KSR2: variants seen among roughly 807,000 people sequenced by gnomAD.
KSR2 encodes kinase suppressor of ras 2.
In KSR2, 25 loss-of-function variants were observed where a neutral mutation model predicts 107.8. The ratio of observed to expected loss-of-function variants is 0.23; its 90% CI spans 0.17 to 0.32. The LOEUF is 0.32. Ranked by LOEUF, KSR2 falls within the 10% of genes least tolerant of loss-of-function variation. The pLI is 1.00. For missense variants in KSR2, 887 were observed against 1,268.9 expected, an observed-to-expected ratio of 0.70 and a Z score of 4.57; for synonymous variants, 480 against 507.0, an observed-to-expected ratio of 0.95 and a Z score of 0.71.
chr12:117,708,959 T>C (rs1173238560), intron 4 of KSR2, among the ~76,000 whole-genome samples: 2 of 152,120 alleles, frequency 1.3e-5, no homozygotes, highest in Admixed American at 1.3e-4. Flanking sequence ...TCATGGCCCC[T>C]TCCTCCAACT....
chr12:117,739,114 T>G lies in KSR2; in HGVS notation c.986+21897A>C, dbSNP rs1375874903. ...CTCACGCCTGTAATCCCAGCACTTT[T>G]GGAGGCCAAGGTGGGCAGATCACGA... On this transcript the variant is annotated intron_variant, in intron 4 of 19. Transcript: ENST00000339824. 4.6e-5 allele frequency among the ~76,000 whole-genome samples: 7 copies of G among 152,266 alleles called. No individual in the cohort carries two copies. The East Asian group carries it at 9.7e-4, about 21-fold the overall frequency.
intron 4 of KSR2, among the ~76,000 whole-genome samples, chr12:117,739,293 T>C (rs577002979): frequency 6.6e-6 from 1 of 152,154 alleles, no homozygotes; most frequent in East Asian, 1.9e-4. Context: ...AGGAGGAGCT[T>C]GCAGTGAGCC....
At chr12:117,838,790 T>A (rs1892347016) in intron 3 of KSR2, among the ~76,000 whole-genome samples, 1 of 152,322 alleles carries the variant, frequency 6.6e-6, no homozygotes, top group African/African-American at 2.4e-5. Flanking sequence ...GACTTAGACA[T>A]GTATGTATTT....
At chr12:117,510,953 G>A (rs529224649) in intron 14 of KSR2, among the ~76,000 whole-genome samples, 2 of 151,614 alleles carry the variant, frequency 1.3e-5, no homozygotes, top group South Asian at 4.2e-4. Flanking sequence ...ATGTGTACCA[G>A]GCACTATTTT....
intron 3 of KSR2, among the ~76,000 whole-genome samples, chr12:117,793,584 A>AAC (rs1890388880): frequency 7.2e-6 from 1 of 139,516 alleles, no homozygotes; most frequent in African/African-American, 2.9e-5. Context: ...CCTTTACACC[A>AAC]ATATGCACAC....
chr12:117,962,310 C>A (rs1896683271), intron 1 of KSR2, among the ~76,000 whole-genome samples: 1 of 152,158 alleles, frequency 6.6e-6, no homozygotes, highest in South Asian at 2.1e-4. Context: ...ATTCTAGTGT[C>A]ACTTGCTCAC....
At chr12:117,487,354 G>A (rs866133532) in intron 14 of KSR2, among the ~76,000 whole-genome samples, 8 of 152,066 alleles carry the variant, frequency 5.3e-5, no homozygotes, top group South Asian at 2.1e-4. Flanking sequence ...ATCTGCTTAA[G>A]GCGACAGTCC....
At chr12:117,631,855 T>C (rs1882822395) in intron 5 of KSR2, among the ~76,000 whole-genome samples, 1 of 152,266 alleles carries the variant, frequency 6.6e-6, no homozygotes. Context: ...TTAAACAAAA[T>C]TGCAAAGCAT....
intron 9 of KSR2, among the ~76,000 whole-genome samples, chr12:117,548,954 T>G (rs374049953): frequency 2.6e-5 from 4 of 152,198 alleles, no homozygotes; most frequent in Non-Finnish European, 1.5e-5. Flanking sequence ...TCAGACCCTG[T>G]GTGGAAGAAA....
At chr12:117,793,690 CACAT>C (rs1440345232) in intron 3 of KSR2, among the ~76,000 whole-genome samples, 1 of 150,462 alleles carries the variant, frequency 6.6e-6, no homozygotes, top group East Asian at 2.0e-4. Context: ...CCAACATGCA[CACAT>C]ACAACATGCA....
chr12:117,950,749 A>AAAATAAT (rs1555260902), intron 1 of KSR2, among the ~76,000 whole-genome samples: 77 of 132,140 alleles, frequency 5.8e-4, no homozygotes, highest in African/African-American at 1.8e-3. Context: ...AAAAAAAAAA[A>AAAATAAT]AATAATAATA....
chr12:117,646,929 G>C lies in KSR2; in HGVS notation c.1171+20545C>G, dbSNP rs558855972. ...TGCCAGTGTTCATGAGGCTGTGAAG[G>C]GTGGATGATTACAGCCAGCGGGGAG... On this transcript the variant is annotated intron_variant, in intron 5 of 19. Coordinates refer to ENST00000339824, the MANE Select transcript of KSR2 (RefSeq NM_173598.6). Among the ~76,000 whole-genome samples, 6 of 152,278 alleles carry C rather than the reference G, an allele frequency of 3.9e-5. No individual in the cohort carries two copies. In the South Asian group the frequency reaches 6.2e-4, roughly 16 times the overall value.
intron 5 of KSR2, among the ~76,000 whole-genome samples, chr12:117,613,496 C>T (rs1881713100): frequency 6.6e-6 from 1 of 152,116 alleles, no homozygotes; most frequent in South Asian, 2.1e-4. Context: ...GAGTCTCTGG[C>T]CCCTCCTGCA....
chr12:117,472,513 C>T (rs1300722196), intron 17 of KSR2, among the ~76,000 whole-genome samples: 2 of 152,180 alleles, frequency 1.3e-5, no homozygotes, highest in Non-Finnish European at 2.9e-5. Flanking sequence ...GTGATCTTTC[C>T]TCCACTCTAA....
chr12:117,744,978 C>G (rs510907), intron 4 of KSR2, among the ~76,000 whole-genome samples: 30,288 of 152,052 alleles, frequency 0.2, 3,720 homozygotes, highest in South Asian at 0.29. Flanking sequence ...TACTCTGTGT[C>G]ACTTAACTCC....
At chr12:117,680,960 G>A (rs1885341072) in intron 4 of KSR2, among the ~76,000 whole-genome samples, 2 of 152,082 alleles carry the variant, frequency 1.3e-5, no homozygotes, top group South Asian at 4.2e-4. Flanking sequence ...ATAGCAACGA[G>A]GAAATGCTAC....
chr12:117,524,041 TG>T (rs1231808507), intron 14 of KSR2, among the ~76,000 whole-genome samples: 1 of 152,182 alleles, frequency 6.6e-6, no homozygotes, highest in East Asian at 1.9e-4. Flanking sequence ...GCCCACTCCC[TG>T]GGTTTGTAAA....
intron 4 of KSR2, among the ~76,000 whole-genome samples, chr12:117,683,311 CAG>C (rs1394053045): frequency 1.3e-5 from 2 of 151,816 alleles, no homozygotes; most frequent in East Asian, 1.9e-4. Flanking sequence ...CATTAAATAA[CAG>C]AGTCAACTGT....
At chr12:117,493,556 C>T (rs1187471862) in intron 14 of KSR2, among the ~76,000 whole-genome samples, 1 of 152,196 alleles carries the variant, frequency 6.6e-6, no homozygotes, top group Non-Finnish European at 1.5e-5. Context: ...AACTAGGTCA[C>T]TCCCCCCAAT....
Sources: allele counts gnomAD v4.1 joint callset (sites outside exome capture counted in the v4.1 genomes callset), GRCh38; gene constraint gnomAD v4.1.1; transcripts MANE v1.5; gene names NCBI Gene and HGNC (gene_info 2026-07-23, HGNC 2026-07-21).